Variants in CD96 observed in about 807,000 individuals in gnomAD.
The protein encoded by CD96 is T-cell surface protein tactile.
In CD96, 70 loss-of-function variants were observed where a neutral mutation model predicts 71.3. The observed-to-expected ratio is 0.98, with a 90% confidence interval of 0.81 to 1.20. CD96 has a LOEUF of 1.20. Ranked by LOEUF, CD96 falls within the 50% of genes most tolerant of loss-of-function variation. The pLI is 0.00. For synonymous variants in CD96, 248 were observed against 233.0 expected (o/e 1.06, Z -0.59); for missense variants, 742 against 677.5 (o/e 1.10, Z -1.06).
rs980174274 is a variant in CD96, at chr3:111,606,763, C to A, written c.1151C>A (p.Pro384His). Residue 384 changes from proline to histidine, a missense_variant, in exon 8 of 14, where the codon CCT becomes CAT. Coordinates refer to ENST00000352690, the MANE Select transcript of CD96 (RefSeq NM_005816.5). The part of the protein sequence containing the change: ...SVTESTLDTQ[P>H]SPASSVSPAR... ...ACAGAATCTACCCTTGACACCCAAC[C>A]TTCTCCAGCCAGCAGTGTATCTCCT... is the stretch of plus-strand genomic sequence containing the variant. The A allele has an allele frequency of 6.2e-7, 1 of 1,603,074 alleles. No individual in the cohort carries two copies. The highest frequency in any genetic ancestry group is 8.5e-7 in the Non-Finnish European group (1 of 1,169,892).
At chr3:111,569,806 A>G (rs1411160053) in intron 3 of CD96, among the ~76,000 whole-genome samples, 1 of 152,180 alleles carries the variant, frequency 6.6e-6, no homozygotes, top group African/African-American at 2.4e-5. Context: ...GTATAAATTC[A>G]TATTTTGTAG....
At chr3:111,585,937 T>C (rs772599402) in intron 5 of CD96, among the ~76,000 whole-genome samples, 1 of 152,160 alleles carries the variant, frequency 6.6e-6, no homozygotes, top group African/African-American at 2.4e-5. Flanking sequence ...TACCAGCCTG[T>C]AGTCACTAGG....
intron 12 of CD96, among the ~76,000 whole-genome samples, chr3:111,640,461 T>A (rs2107764583): frequency 6.6e-6 from 1 of 152,158 alleles, no homozygotes; most frequent in African/African-American, 2.4e-5. Flanking sequence ...TAAGAAAATA[T>A]GAACAAAGCA....
intron 8 of CD96, chr3:111,612,955 A>C: frequency 4.9e-6 from 1 of 204,994 alleles, no homozygotes; most frequent in Non-Finnish European, 8.6e-6. Flanking sequence ...TATAATTCTC[A>C]CTGTAGATAT....
chr3:111,656,042 A>G (rs1940219903), downstream of CD96, among the ~76,000 whole-genome samples: 1 of 152,020 alleles, frequency 6.6e-6, no homozygotes, highest in African/African-American at 2.4e-5. Context: ...AGAGAAAGCA[A>G]AGTCAAAGGA....
Position 111,545,288 on chromosome 3 carries a change from A to AAATTC in CD96, c.304_305insAATTC (p.Thr102LysfsTer6). ...AACTCCTGAGAATGGGTCAAAATGG[A>AAATTC]CTCTGCACTTAAGGAATATGTCTTG... is the stretch of plus-strand genomic sequence containing the variant. On this transcript the variant is annotated frameshift_variant, in exon 2 of 14. Coordinates refer to ENST00000352690, the MANE Select transcript of CD96 (RefSeq NM_005816.5). LOFTEE classifies it high-confidence loss of function. 6.2e-7 allele frequency: 1 copy of AAATTC among 1,613,916 alleles called. No individual in the cohort carries two copies. Among genetic ancestry groups the AAATTC allele is most frequent in the Non-Finnish European group, 8.5e-7 (1 of 1,179,872 alleles).
chr3:111,572,300 T>G (rs574018981), intron 3 of CD96, among the ~76,000 whole-genome samples: 1 of 152,316 alleles, frequency 6.6e-6, no homozygotes, highest in East Asian at 1.9e-4. Context: ...TGATCAGCGG[T>G]GAGTGTACTT....
At chr3:111,608,214 C>T (rs1480730290) in intron 8 of CD96, among the ~76,000 whole-genome samples, 1 of 143,348 alleles carries the variant, frequency 7.0e-6, no homozygotes, top group Non-Finnish European at 1.6e-5. Context: ...TTCTCTATAG[C>T]TCTGCATACA....
Position 111,632,191 on chromosome 3 carries a change from G to T in CD96, c.1322-5005G>T, listed in dbSNP as rs544491226. Reference sequence around the variant, plus strand: ...CAACAGAGTAAACAGACAACCTACAGAATGGGATAAAATTTTTGCCATCTA... The same window carrying T: ...CAACAGAGTAAACAGACAACCTACATAATGGGATAAAATTTTTGCCATCTA... On this transcript the variant is annotated intron_variant, in intron 10 of 13. Transcript: ENST00000352690. Among the ~76,000 whole-genome samples, 5 of 152,238 alleles carry T rather than the reference G, an allele frequency of 3.3e-5. No individual in the cohort carries two copies. The East Asian group carries it at 7.7e-4, about 23-fold the overall frequency.
At chr3:111,611,025 G>C (rs1378426743) in intron 8 of CD96, among the ~76,000 whole-genome samples, 2 of 152,166 alleles carry the variant, frequency 1.3e-5, no homozygotes, top group African/African-American at 4.8e-5. Context: ...TTACGATCCT[G>C]TGTGACCCAC....
At chr3:111,558,012 G>A (rs1935163246) in intron 2 of CD96, among the ~76,000 whole-genome samples, 1 of 148,588 alleles carries the variant, frequency 6.7e-6, no homozygotes, top group South Asian at 2.2e-4. Context: ...CTGTTTGTGT[G>A]TTGTTGGTGT....
chr3:111,621,117 G>C (rs757239317), intron 8 of CD96, among the ~76,000 whole-genome samples: 3 of 152,174 alleles, frequency 2.0e-5, no homozygotes, highest in African/African-American at 7.2e-5. Context: ...GTTGCTTGCA[G>C]GTAAGATATA....
chr3:111,631,711 T>TA (rs1361839039), intron 10 of CD96, among the ~76,000 whole-genome samples: 2 of 151,688 alleles, frequency 1.3e-5, no homozygotes, highest in African/African-American at 4.8e-5. Context: ...GGCATCATGC[T>TA]ACCCAACTTC....
chr3:111,658,225 A>G (rs1008335164), intron 14 of CD96, among the ~76,000 whole-genome samples: 1 of 152,200 alleles, frequency 6.6e-6, no homozygotes, highest in Non-Finnish European at 1.5e-5. Context: ...CACTGTATAC[A>G]TCTAGGAAAA....
At position 111,649,594 on chromosome 3, in the gene CD96, C is replaced by T. The variant is rs896883555; in HGVS notation, c.1602-104C>T. ...GAACTGGGAGAGTATGTCTCTTTCTCATCAATCTGTGTTCTCCTTTAAAGA... is the reference window on the plus strand; with the variant it reads ...GAACTGGGAGAGTATGTCTCTTTCTTATCAATCTGTGTTCTCCTTTAAAGA... On this transcript the variant is annotated intron_variant, in intron 13 of 13. Transcript: ENST00000352690. 5 of 815,882 alleles carry T rather than the reference C, an allele frequency of 6.1e-6. No individual in the cohort carries two copies. The East Asian group carries it at 1.2e-4, about 20-fold the overall frequency. 50.5% of individuals were successfully genotyped at this position (815,882 alleles called of 1,614,324 possible). A position where few individuals can be genotyped will look rare whatever the true frequency, so the allele number is the denominator to read the frequency against.
intron 10 of CD96, among the ~76,000 whole-genome samples, chr3:111,631,683 A>G (rs368764258): frequency 3.0e-4 from 45 of 152,312 alleles, no homozygotes; most frequent in African/African-American, 1.0e-3. Context: ...AACCCAAAGC[A>G]AAAAGAACAA....
At chr3:111,576,255 T>G (rs1296950136) in intron 3 of CD96, among the ~76,000 whole-genome samples, 1 of 152,182 alleles carries the variant, frequency 6.6e-6, no homozygotes, top group African/African-American at 2.4e-5. Context: ...CTGGTAGAAA[T>G]AAGGCTGTCA....
At chr3:111,577,080 G>A (rs921749108) in intron 3 of CD96, among the ~76,000 whole-genome samples, 2 of 152,106 alleles carry the variant, frequency 1.3e-5, no homozygotes, top group Non-Finnish European at 2.9e-5. Flanking sequence ...TGGATAAGTT[G>A]GAAGGTTTTG....
At chr3:111,631,019 A>G (rs1371308178) in intron 10 of CD96, among the ~76,000 whole-genome samples, 16 of 152,170 alleles carry the variant, frequency 1.1e-4, no homozygotes, top group Non-Finnish European at 2.4e-4. Context: ...TAAGAACCAT[A>G]TATGACAAAC....
Sources: gnomAD v4.1 joint callset for allele counts (sites outside exome capture counted in the v4.1 genomes callset) on GRCh38, gnomAD v4.1.1 for gene constraint, MANE v1.5 for transcripts, NCBI Gene and HGNC (gene_info 2026-07-23, HGNC 2026-07-21) for gene names.